DPP10: variants seen among roughly 807,000 people sequenced by gnomAD.
DPP10 encodes inactive dipeptidyl peptidase 10.
DPP10 carries 33 observed loss-of-function variants against 120.9 expected under a neutral mutation model. The observed-to-expected ratio is 0.27, with a 90% CI of 0.21 to 0.37. The LOEUF (loss-of-function observed/expected upper bound fraction) is 0.37. Ranked by LOEUF, DPP10 falls within the 10% of genes least tolerant of loss-of-function variation. DPP10 has a pLI of 1.00. For missense variants in DPP10, 816 were observed against 942.8 expected (o/e 0.87, Z 1.76); for synonymous variants, 337 against 326.1 (o/e 1.03, Z -0.36).
At chr2:115,490,231 A>T (rs2076029078) in intron 3 of DPP10, among the ~76,000 whole-genome samples, 1 of 152,162 alleles carries the variant, frequency 6.6e-6, no homozygotes, top group Non-Finnish European at 1.5e-5. Flanking sequence ...TGCATGGCTA[A>T]GGAGGCCTCA....
At position 115,429,910 on chromosome 2, in the gene DPP10, A is replaced by G. The variant is rs562379856; in HGVS notation, c.272-69600A>G. 8.5e-5 allele frequency among the ~76,000 whole-genome samples: 13 copies of G among 152,330 alleles called. No homozygotes were observed. The South Asian group carries it at 2.7e-3, about 32-fold the overall frequency. On this transcript the variant is annotated intron_variant, in intron 3 of 25. Transcript: ENST00000410059. The stretch of plus-strand genomic sequence containing the variant: ...TCTTGTTTTCATCATCTAAAAATGT[A>G]TATGAGCAACCTGGAGCGTGTTTAG...
chr2:115,522,338 A>G (rs1439001590), intron 4 of DPP10, among the ~76,000 whole-genome samples: 1 of 152,118 alleles, frequency 6.6e-6, no homozygotes, highest in Non-Finnish European at 1.5e-5. Flanking sequence ...CATGACATGC[A>G]TCTTATCCTG....
chr2:114,753,675 C>T (rs1280377859), intron 1 of DPP10, among the ~76,000 whole-genome samples: 7 of 151,808 alleles, frequency 4.6e-5, no homozygotes, highest in Admixed American at 1.3e-4. Flanking sequence ...TTTGGGAGGC[C>T]GAGGTGGGCA....
intron 3 of DPP10, among the ~76,000 whole-genome samples, chr2:115,462,628 G>A (rs761380672): frequency 2.4e-4 from 36 of 152,124 alleles, no homozygotes; most frequent in Non-Finnish European, 4.7e-4. Context: ...ACCGTAATAG[G>A]TTGTCTCACA....
intron 1 of DPP10, among the ~76,000 whole-genome samples, chr2:114,995,423 T>C (rs1701016558): frequency 1.3e-4 from 1 of 7,668 alleles, no homozygotes; most frequent in Admixed American, 3.4e-3. Flanking sequence ...TGTTCCTTTC[T>C]CAGAAAAAAA....
At chr2:115,385,167 T>G (rs2066826768) in intron 3 of DPP10, among the ~76,000 whole-genome samples, 1 of 152,040 alleles carries the variant, frequency 6.6e-6, no homozygotes, top group African/African-American at 2.4e-5. Flanking sequence ...ACTAATACAG[T>G]CACTTTCTCC....
chr2:115,150,577 C>T (rs1472194130), intron 1 of DPP10, among the ~76,000 whole-genome samples: 1 of 152,206 alleles, frequency 6.6e-6, no homozygotes, highest in Non-Finnish European at 1.5e-5. Context: ...ACTAAATCTA[C>T]ATTGGTAGAT....
In DPP10 at chr2:115,317,983, T is replaced by C. The variant is rs530762044; in HGVS notation, c.175+8630T>C. Among the ~76,000 whole-genome samples, 361 of 152,256 alleles carry C rather than the reference T, an allele frequency of 2.4e-3. 1 individual carries two copies. The highest frequency in any genetic ancestry group is 7.9e-3 in the African/African-American group (330 of 41,574). ...TTCATTCACCTGTTCTTTCATTGCTTGTGCTTCTGATGTCTTATTTAAGAA... is the reference window on the plus strand; with the variant it reads ...TTCATTCACCTGTTCTTTCATTGCTCGTGCTTCTGATGTCTTATTTAAGAA... On this transcript the variant is annotated intron_variant, in intron 2 of 25. Coordinates refer to ENST00000410059, the MANE Select transcript of DPP10 (RefSeq NM_020868.6).
chr2:115,665,490 A>G (rs564147465), intron 5 of DPP10, among the ~76,000 whole-genome samples: 1 of 152,288 alleles, frequency 6.6e-6, no homozygotes, highest in African/African-American at 2.4e-5. Flanking sequence ...AAGAAGCCAA[A>G]CTTTTACTCA....
At chr2:115,436,839 T>C (rs2071542060) in intron 3 of DPP10, among the ~76,000 whole-genome samples, 1 of 151,938 alleles carries the variant, frequency 6.6e-6, no homozygotes, top group Non-Finnish European at 1.5e-5. Flanking sequence ...GGGATATATA[T>C]ATGAGGCATT....
chr2:114,717,053 A>T (rs1701396020), intron 1 of DPP10, among the ~76,000 whole-genome samples: 1 of 152,214 alleles, frequency 6.6e-6, no homozygotes, highest in East Asian at 1.9e-4. Flanking sequence ...CCTTGCACAG[A>T]GGGTTCATTC....
chr2:115,082,322 C>T (rs1708339960), intron 1 of DPP10, among the ~76,000 whole-genome samples: 1 of 152,120 alleles, frequency 6.6e-6, no homozygotes, highest in Non-Finnish European at 1.5e-5. Flanking sequence ...GGAAGGTAGC[C>T]AGGCTTCGTG....
intron 1 of DPP10, among the ~76,000 whole-genome samples, chr2:114,664,694 G>A (rs1697768239): frequency 6.6e-6 from 1 of 151,288 alleles, no homozygotes; most frequent in Non-Finnish European, 1.5e-5. Flanking sequence ...AGTAGCCACA[G>A]GCACAATCGG....
At chr2:114,634,782 A>G (rs1009334636) in intron 1 of DPP10, among the ~76,000 whole-genome samples, 2 of 151,974 alleles carry the variant, frequency 1.3e-5, no homozygotes, top group Non-Finnish European at 1.5e-5. Flanking sequence ...TATAACTAGT[A>G]AAACTATAAT....
chr2:115,420,626 C>T (rs571984774), intron 3 of DPP10, among the ~76,000 whole-genome samples: 1 of 152,118 alleles, frequency 6.6e-6, no homozygotes, highest in African/African-American at 2.4e-5. Context: ...ATGAGGTAAC[C>T]AGCAGCTTCT....
At chr2:115,657,676 T>C (rs2088506323) in intron 5 of DPP10, among the ~76,000 whole-genome samples, 1 of 151,912 alleles carries the variant, frequency 6.6e-6, no homozygotes, top group Admixed American at 6.6e-5. Context: ...TTTATTTTAA[T>C]GTTTTTGAGC....
At chr2:115,454,346 A>G (rs2073356071) in intron 3 of DPP10, among the ~76,000 whole-genome samples, 1 of 151,670 alleles carries the variant, frequency 6.6e-6, no homozygotes, top group Admixed American at 6.6e-5. Context: ...CAAAATATTA[A>G]CAAACTAAAT....
intron 1 of DPP10, among the ~76,000 whole-genome samples, chr2:115,005,731 C>G (rs1177209023): frequency 6.6e-6 from 1 of 151,960 alleles, no homozygotes; most frequent in Non-Finnish European, 1.5e-5. Context: ...AAGACCAAAT[C>G]TGCGTCTGAT....
At chr2:114,881,672 G>C (rs1006514280) in intron 1 of DPP10, among the ~76,000 whole-genome samples, 1 of 151,430 alleles carries the variant, frequency 6.6e-6, no homozygotes, top group African/African-American at 2.4e-5. Flanking sequence ...GGTTTAGTTA[G>C]TGAAATGAAT....
Sources: gnomAD v4.1 joint callset for allele counts (sites outside exome capture counted in the v4.1 genomes callset) on GRCh38, gnomAD v4.1.1 for gene constraint, MANE v1.5 for transcripts, NCBI Gene and HGNC (gene_info 2026-07-23, HGNC 2026-07-21) for gene names.